The following COL14A1 variants were observed in gnomAD, a reference collection of about 807,000 sequenced individuals.
COL14A1 encodes the protein collagen alpha-1(XIV) chain.
A neutral mutation model predicts 230.3 loss-of-function variants in COL14A1; 136 were observed. That is an observed-to-expected ratio of 0.59 (90% CI 0.51 to 0.68). The LOEUF is 0.68. Ranked by LOEUF, COL14A1 falls within the 30% of genes least tolerant of loss-of-function variation. COL14A1 has a pLI of 0.00. For synonymous variants in COL14A1, 792 were observed against 784.1 expected (o/e 1.01, Z -0.17); for missense variants, 1,976 against 2,215.8 (o/e 0.89, Z 2.17).
intron 1 of COL14A1, among the ~76,000 whole-genome samples, chr8:120,142,803 A>G (rs902969517): frequency 6.6e-6 from 1 of 152,234 alleles, no homozygotes; most frequent in African/African-American, 2.4e-5. Flanking sequence ...GCAACATAAA[A>G]GAGTTGTATA....
At chr8:120,325,655 G>A (rs1288060061) in intron 40 of COL14A1, among the ~76,000 whole-genome samples, 3 of 152,076 alleles carry the variant, frequency 2.0e-5, no homozygotes, top group Non-Finnish European at 4.4e-5. Context: ...ACCGCACCCA[G>A]CTAGTTTTTG....
rs1317268989 is a variant in COL14A1, at chr8:120,227,277, G to T, written c.2062G>T (p.Glu688Ter). ...TATTGAAGGCCTGGAGCCCGGTACG[G>T]AGTATGAAGTTTCACTATTGGCCGT... is the stretch of plus-strand genomic sequence containing the variant. ...HVIEGLEPGT[E>*]YEVSLLAVLD... Residue 688 changes from glutamate (E) to a stop codon, truncating the protein, a stop_gained, in exon 17 of 48, where the codon GAG becomes TAG. Coordinates refer to ENST00000297848, the MANE Select transcript of COL14A1 (RefSeq NM_021110.4). LOFTEE classifies it high-confidence loss of function. 6.2e-7 allele frequency: 1 copy of T among 1,613,978 alleles called. No homozygotes were observed. Among genetic ancestry groups the T allele is most frequent in the Non-Finnish European group, 8.5e-7 (1 of 1,180,018 alleles).
At chr8:120,346,842 T>A (rs1343383466) in intron 45 of COL14A1, among the ~76,000 whole-genome samples, 1 of 152,226 alleles carries the variant, frequency 6.6e-6, no homozygotes, top group East Asian at 1.9e-4. Flanking sequence ...TGGTTCTGAA[T>A]TGCTTTGCAC....
chr8:120,218,208 T>C (rs1163062266), intron 14 of COL14A1, among the ~76,000 whole-genome samples: 1 of 136,402 alleles, frequency 7.3e-6, no homozygotes, highest in Non-Finnish European at 1.6e-5. Flanking sequence ...TATATAAATA[T>C]ATAATATATA....
chr8:120,186,812 G>A (rs1252597416), intron 5 of COL14A1, among the ~76,000 whole-genome samples: 1 of 152,170 alleles, frequency 6.6e-6, no homozygotes, highest in Non-Finnish European at 1.5e-5. Flanking sequence ...CTACACTGAT[G>A]TACTGTATGT....
At chr8:120,267,687 T>C (rs2129802168) in intron 25 of COL14A1, among the ~76,000 whole-genome samples, 1 of 152,022 alleles carries the variant, frequency 6.6e-6, no homozygotes, top group Middle Eastern at 3.4e-3. Context: ...ATGGATTTAG[T>C]GAACCATAAA....
At chr8:120,347,594 A>C (rs2130298064) in intron 45 of COL14A1, among the ~76,000 whole-genome samples, 1 of 152,298 alleles carries the variant, frequency 6.6e-6, no homozygotes, top group African/African-American at 2.4e-5. Flanking sequence ...AGGAAAGATA[A>C]AGAGAGGAAA....
intron 45 of COL14A1, among the ~76,000 whole-genome samples, chr8:120,353,821 A>G (rs1250677085): frequency 6.6e-6 from 1 of 151,944 alleles, no homozygotes; most frequent in African/African-American, 2.4e-5. Context: ...ACCATTGTGG[A>G]ATTCGGTGTG....
intron 5 of COL14A1, among the ~76,000 whole-genome samples, chr8:120,179,462 C>T (rs1816392932): frequency 6.6e-6 from 1 of 152,090 alleles, no homozygotes; most frequent in South Asian, 2.1e-4. Flanking sequence ...GAATAAAATA[C>T]TTAGGAATAC....
rs117216736 is a variant in COL14A1, at chr8:120,317,130, C to T, written c.4659+1133C>T. ...CTCAAGACTGGATTATATAGAGTGG[C>T]GACCACTTAGATTCAATCCAATGAA... On this transcript the variant is annotated intron_variant, in intron 40 of 47. Transcript: ENST00000297848. Among the ~76,000 whole-genome samples, 449 of 152,160 alleles carry T rather than the reference C, an allele frequency of 3.0e-3. 8 individuals are homozygous for T. In the East Asian group the frequency reaches 0.03, roughly 10 times the overall value.
Position 120,159,381 on chromosome 8 carries a change from T to C in COL14A1, c.205+1135T>C, listed in dbSNP as rs377245482. 5.6e-4 allele frequency among the ~76,000 whole-genome samples: 86 copies of C among 152,312 alleles called. No individual in the cohort carries two copies. In the South Asian group the frequency reaches 0.015, roughly 27 times the overall value. On this transcript the variant is annotated intron_variant, in intron 3 of 47. Coordinates refer to ENST00000297848, the MANE Select transcript of COL14A1 (RefSeq NM_021110.4). The stretch of plus-strand genomic sequence containing the variant: ...TCATAAAGATGCTCTCAGGTCCCAT[T>C]AGTTCTCCAAGGATCCATTTTCACA...
chr8:120,231,077 T>C (rs942055685), intron 18 of COL14A1, among the ~76,000 whole-genome samples: 6 of 151,800 alleles, frequency 4.0e-5, no homozygotes, highest in African/African-American at 1.5e-4. Flanking sequence ...CACACAGAGG[T>C]GGACAAAGTC....
At chr8:120,185,720 G>T (rs1164120813) in intron 5 of COL14A1, among the ~76,000 whole-genome samples, 3 of 152,092 alleles carry the variant, frequency 2.0e-5, no homozygotes, top group Non-Finnish European at 2.9e-5. Flanking sequence ...AGCTCTGCCG[G>T]TAACTAGTAA....
intron 42 of COL14A1, among the ~76,000 whole-genome samples, chr8:120,337,414 A>G (rs1029452276): frequency 6.6e-6 from 1 of 150,910 alleles, no homozygotes; most frequent in East Asian, 1.9e-4. Flanking sequence ...AAAAAAAAAA[A>G]AAAAGAAAAA....
At position 120,212,517 on chromosome 8, in the gene COL14A1, A is replaced by G. The variant is rs1193777262; in HGVS notation, c.1537A>G (p.Thr513Ala). The G allele has an allele frequency of 6.2e-7, 1 of 1,613,702 alleles. No homozygotes were observed. The highest frequency in any genetic ancestry group is 1.7e-4 in the Middle Eastern group (1 of 6,058). Residue 513 changes from threonine (T) to alanine (A), a missense_variant, in exon 13 of 48, where the codon ACA becomes GCA. Around this residue, in one of 3 missense-constraint regions of COL14A1, gnomAD observed 1,791 missense variants for 2,019.5 expected, o/e 0.89. Coordinates refer to ENST00000297848, the MANE Select transcript of COL14A1 (RefSeq NM_021110.4). ...GLLPNTEYTVTVYAMFGEEAS... is the reference protein window; with the variant it reads ...GLLPNTEYTVAVYAMFGEEAS... Reference sequence around the variant, plus strand: ...GTTGCCCAATACAGAATACACAGTCACAGTTTATGCCATGTTTGGAGAAGA... The same window carrying G: ...GTTGCCCAATACAGAATACACAGTCGCAGTTTATGCCATGTTTGGAGAAGA...
intron 23 of COL14A1, among the ~76,000 whole-genome samples, chr8:120,258,477 G>A (rs1282327174): frequency 1.3e-5 from 2 of 152,096 alleles, no homozygotes; most frequent in Non-Finnish European, 2.9e-5. Context: ...CCTGTATCTG[G>A]TGGTGGTGGC....
At chr8:120,219,654 A>C (rs1817869180) in intron 14 of COL14A1, among the ~76,000 whole-genome samples, 1 of 152,184 alleles carries the variant, frequency 6.6e-6, no homozygotes, top group Non-Finnish European at 1.5e-5. Flanking sequence ...ATCAGGTAGC[A>C]ACATATGAAT....
intron 26 of COL14A1, among the ~76,000 whole-genome samples, chr8:120,276,654 A>T (rs1036900285): frequency 6.6e-6 from 1 of 151,640 alleles, no homozygotes. Context: ...TGTCCCTTCA[A>T]AGGACATGAA....
intron 45 of COL14A1, among the ~76,000 whole-genome samples, chr8:120,348,979 ATGTCCCTGTCTGACAGCTT>A (rs1302920585): frequency 1.3e-5 from 2 of 152,146 alleles, no homozygotes; most frequent in Non-Finnish European, 2.9e-5. Context: ...CTATACCCTA[ATGTCCCTGTCTGACAGCTT>A]TGAAGGGAGC....
Sources: gnomAD v4.1 joint callset for allele counts (sites outside exome capture counted in the v4.1 genomes callset) on GRCh38, gnomAD v4.1.1 for gene constraint, gnomAD v4.1.1 regional missense constraint, MANE v1.5 for transcripts, NCBI Gene and HGNC (gene_info 2026-07-23, HGNC 2026-07-21) for gene names.